HYAL1: variants seen among roughly 807,000 people sequenced by gnomAD.
HYAL1 encodes hyaluronidase 1, also known as hyaluronidase-1.
Under a neutral mutation model 28.8 loss-of-function variants are expected in HYAL1, and 21 were observed. That is an observed-to-expected ratio of 0.73 (90% CI 0.52 to 1.05). HYAL1 has a LOEUF of 1.05. HYAL1 is among the 50% of genes least tolerant of loss of function. The pLI, the probability that HYAL1 is intolerant of heterozygous loss-of-function variation, is 0.00. For missense variants in HYAL1, 491 were observed against 579.2 expected, an observed-to-expected ratio of 0.85 and a Z score of 1.56; for synonymous variants, 200 against 230.1, an observed-to-expected ratio of 0.87 and a Z score of 1.18.
chr3:50,305,608 T>G (rs1254194960), upstream of HYAL1, among the ~76,000 whole-genome samples: 2 of 149,730 alleles, frequency 1.3e-5, no homozygotes, highest in Non-Finnish European at 2.9e-5. Context: ...TGATCTCGGC[T>G]CACTGCAACC....
upstream of HYAL1, among the ~76,000 whole-genome samples, chr3:50,306,032 A>G (rs1702329135): frequency 6.6e-6 from 1 of 151,290 alleles, no homozygotes; most frequent in Middle Eastern, 3.4e-3. Context: ...TTTGGTAACT[A>G]TGGATGGATT....
chr3:50,310,268 T>G (rs1478845159), intron 1 of HYAL1, among the ~76,000 whole-genome samples: 8 of 148,454 alleles, frequency 5.4e-5, no homozygotes, highest in Non-Finnish European at 1.2e-4. Context: ...GCTGTGTGTT[T>G]TTTTTTTTTT....
upstream of HYAL1, among the ~76,000 whole-genome samples, chr3:50,304,296 AATATATAT>A (rs1175956843): frequency 0.01 from 311 of 30,314 alleles, 5 homozygotes; most frequent in African/African-American, 0.022. Flanking sequence ...AAAAAAAAAA[AATATATAT>A]ATATATATAT....
upstream of HYAL1, among the ~76,000 whole-genome samples, chr3:50,306,596 A>G (rs188279760): frequency 6.6e-6 from 1 of 151,128 alleles, no homozygotes; most frequent in Non-Finnish European, 1.5e-5. Flanking sequence ...GATTAAAAAA[A>G]TTTTTTTTGG....
intron 1 of HYAL1, chr3:50,312,251 AG>A: frequency 5.5e-6 from 1 of 183,172 alleles, no homozygotes; most frequent in Non-Finnish European, 1.2e-5. Flanking sequence ...TGCCGGGCGG[AG>A]GGGCTCCTCA....
At chr3:50,310,807 C>T (rs868929686) in intron 1 of HYAL1, among the ~76,000 whole-genome samples, 6 of 150,332 alleles carry the variant, frequency 4.0e-5, no homozygotes, top group South Asian at 2.1e-4. Context: ...TGACTCTTAA[C>T]GAGCATGCTG....
chr3:50,307,606 G>A (rs1438538750), upstream of HYAL1, among the ~76,000 whole-genome samples: 5 of 138,682 alleles, frequency 3.6e-5, no homozygotes, highest in South Asian at 2.3e-4. Flanking sequence ...GCGTGAACCC[G>A]GGAGGCGGAG....
Position 50,300,279 on chromosome 3 carries a change from G to A in HYAL1, c.*204C>T, listed in dbSNP as rs1468039202. On this transcript the variant is annotated 3_prime_UTR_variant, in exon 4 of 4. Coordinates refer to ENST00000395144, the MANE Select transcript of HYAL1 (RefSeq NM_033159.4). Reference sequence around the variant, plus strand: ...AGATGCATATGGACATGGAATGAATGGTGTCTGCTGTGGTTCTAACTCCTT... The same window carrying A: ...AGATGCATATGGACATGGAATGAATAGTGTCTGCTGTGGTTCTAACTCCTT... The A allele has an allele frequency of 1.6e-6, 1 of 626,466 alleles. No individual in the cohort carries two copies. The highest frequency in any genetic ancestry group is 2.9e-6 in the Non-Finnish European group (1 of 344,276). The allele number at this position is 626,466 out of a possible 1,614,324, so 38.8% of individuals were successfully genotyped here.
chr3:50,302,712 T>C lies in HYAL1; in HGVS notation c.245A>G (p.Tyr82Cys). 2 of 1,613,864 alleles carry C rather than the reference T, an allele frequency of 1.2e-6. No homozygotes were observed. Among genetic ancestry groups the C allele is most frequent in the Non-Finnish European group, 1.7e-6 (2 of 1,179,994 alleles). The change falls in exon 2 of 4, where the codon TAC becomes TGC. Residue 82 changes from tyrosine (Y) to cysteine (C), a missense_variant. Coordinates refer to ENST00000395144, the MANE Select transcript of HYAL1 (RefSeq NM_033159.4). This position sits in a 1 kb window ranked among gnomAD's most constrained non-coding sequence, Gnocchi z 5.0. ...TIFYSSQLGT[Y>C]PYYTPTGEPV... The stretch of plus-strand genomic sequence containing the variant: ...CTCCCCAGTGGGCGTGTAGTAGGGG[T>C]AGGTGCCCAGCTGGGAGCTATAGAA...
At chr3:50,310,851 C>T in intron 1 of HYAL1, among the ~76,000 whole-genome samples, 1 of 150,926 alleles carries the variant, frequency 6.6e-6, no homozygotes, top group Non-Finnish European at 1.5e-5. Context: ...GCACATCTTG[C>T]ACCGCCCTTA....
In HYAL1 at chr3:50,302,072, G is replaced by T. The variant is rs1553713029; in HGVS notation, c.885C>A (p.Asn295Lys). Residue 295 changes from asparagine to lysine, a missense_variant, in exon 2 of 4, where the codon AAC (asparagine) becomes AAA (lysine). Coordinates refer to ENST00000395144, the MANE Select transcript of HYAL1 (RefSeq NM_033159.4). The surrounding 1 kb of genome is among the most constrained non-coding windows in gnomAD (Gnocchi z 5.0). ...GAAGACTCACCAGGGGCAGAAAGTG[G>T]TTTGTCGTGTCATAGAAGATCTGGA... ...PYVQIFYDTT[N>K]HFLPLDELEH... 1 of 1,614,226 alleles carries T rather than the reference G, an allele frequency of 6.2e-7. No homozygotes were observed. Among genetic ancestry groups the T allele is most frequent in the Non-Finnish European group, 8.5e-7 (1 of 1,180,042 alleles).
chr3:50,309,420 C>A (rs991509720), intron 2 of HYAL1, among the ~76,000 whole-genome samples: 1 of 143,404 alleles, frequency 7.0e-6, no homozygotes, highest in African/African-American at 2.7e-5. Flanking sequence ...GCTGAGATTG[C>A]ACCATTGCAC....
intron 3 of HYAL1, 39 bp from the exon 4 acceptor site, chr3:50,300,839 C>G: frequency 6.3e-7 from 1 of 1,599,262 alleles, no homozygotes; most frequent in Non-Finnish European, 8.5e-7. Context: ...GACACCATGG[C>G]CATGTATGGA....
chr3:50,302,373 G>T lies in HYAL1; in HGVS notation c.584C>A (p.Pro195His). The part of the protein sequence containing the change: ...GTLQLGRALR[P>H]RGLWGFYGFP... ...GCCATAGAAGCCCCAGAGGCCGCGA[G>T]GACGCAGTGCCCGCCCCAGCTGGAG... Residue 195 changes from proline (P) to histidine (H), a missense_variant, in exon 2 of 4, where the codon CCT becomes CAT. Pro to His is a moderately conservative substitution (Grantham distance 77). Transcript: ENST00000395144. This position sits in a 1 kb window ranked among gnomAD's most constrained non-coding sequence, Gnocchi z 5.0. 1 of 1,613,846 alleles carries T rather than the reference G, an allele frequency of 6.2e-7. No individual in the cohort carries two copies. Among genetic ancestry groups the T allele is most frequent in the Non-Finnish European group, 8.5e-7 (1 of 1,179,988 alleles).
upstream of HYAL1, among the ~76,000 whole-genome samples, chr3:50,307,050 A>G (rs587700260): frequency 1.7e-4 from 25 of 150,264 alleles, no homozygotes; most frequent in South Asian, 5.2e-3. Context: ...AGCCTGGGTG[A>G]CAGAGCAAGA....
Position 50,300,283 on chromosome 3 carries a change from T to C in HYAL1, c.*200A>G, listed in dbSNP as rs1271233188. ...GCATATGGACATGGAATGAATGGTG[T>C]CTGCTGTGGTTCTAACTCCTTATGC... On this transcript the variant is annotated 3_prime_UTR_variant, in exon 4 of 4. Coordinates refer to ENST00000395144, the MANE Select transcript of HYAL1 (RefSeq NM_033159.4). 5 of 633,970 alleles carry C rather than the reference T, an allele frequency of 7.9e-6. No individual in the cohort carries two copies. The highest frequency in any genetic ancestry group is 1.4e-5 in the Non-Finnish European group (5 of 348,394). The allele number at this position is 633,970 out of a possible 1,614,324, so 39.3% of individuals were successfully genotyped here.
chr3:50,312,029 C>A lies in HYAL1; in HGVS notation c.-310+235G>T, dbSNP rs1207681889. On this transcript the variant is annotated intron_variant, in intron 1 of 5. Transcript: ENST00000320295. Reference sequence around the variant, plus strand: ...CTGGCCGGGTGGGAGGCTGTCCCCCCCACCTCCCTCCCGGACGGGGCGGCT... The same window carrying A: ...CTGGCCGGGTGGGAGGCTGTCCCCCACACCTCCCTCCCGGACGGGGCGGCT... Among the ~76,000 whole-genome samples the A allele has an allele frequency of 7.8e-5, 11 of 141,832 alleles. No homozygotes were observed. In the East Asian group the frequency reaches 8.6e-4, roughly 11 times the overall value. 93.0% of individuals were successfully genotyped at this position (141,832 alleles called of 152,430 possible).
chr3:50,311,641 CCGGA>C (rs1702460027), intron 1 of HYAL1, among the ~76,000 whole-genome samples: 2 of 137,310 alleles, frequency 1.5e-5, no homozygotes, highest in Admixed American at 7.3e-5. Context: ...CACCTCCCTC[CCGGA>C]TGGGGCGGCT....
intron 2 of HYAL1, among the ~76,000 whole-genome samples, chr3:50,301,382 G>A (rs1331050716): frequency 6.6e-6 from 1 of 152,120 alleles, no homozygotes; most frequent in African/African-American, 2.4e-5. Flanking sequence ...TTGGGAGGCT[G>A]AGGTGGGAGG....
Sources: gnomAD v4.1 joint callset for allele counts (sites outside exome capture counted in the v4.1 genomes callset) on GRCh38, gnomAD v4.1.1 for gene constraint, Gnocchi (gnomAD v3.1) non-coding constraint, MANE v1.5 for transcripts, NCBI Gene and HGNC (gene_info 2026-07-23, HGNC 2026-07-21) for gene names.